The following SEMA6A variants were observed in gnomAD, a reference collection of about 807,000 sequenced individuals.
SEMA6A encodes the protein semaphorin 6A, also known as semaphorin-6A.
A neutral mutation model predicts 96.8 loss-of-function variants in SEMA6A; 25 were observed. That is an observed-to-expected ratio of 0.26 (90% confidence interval 0.19 to 0.36). The LOEUF (loss-of-function observed/expected upper bound fraction) is 0.36. Among genes scored for constraint, SEMA6A ranks in the 10% least tolerant of loss-of-function variants. The pLI, the probability that SEMA6A is intolerant of heterozygous loss-of-function variation, is 1.00. For missense variants in SEMA6A, 1,363 were observed against 1,323.1 expected (o/e 1.03, Z -0.47); for synonymous variants, 612 against 518.0 (o/e 1.18, Z -2.46).
At chr5:116,553,673 A>AG (rs1243810394) in intron 1 of SEMA6A, among the ~76,000 whole-genome samples, 1 of 152,140 alleles carries the variant, frequency 6.6e-6, no homozygotes, top group Non-Finnish European at 1.5e-5. Context: ...GGCATATTCT[A>AG]GCTCCTTTAG....
intron 1 of SEMA6A, among the ~76,000 whole-genome samples, chr5:116,542,186 A>G (rs989694614): frequency 2.6e-5 from 4 of 152,186 alleles, no homozygotes; most frequent in Non-Finnish European, 5.9e-5. Context: ...TATTTCTTAC[A>G]TCCTTTACAG....
chr5:116,486,692 C>T, intron 10 of SEMA6A, 57 bp downstream of exon 10: 1 of 1,441,006 alleles, frequency 6.9e-7, no homozygotes, highest in Non-Finnish European at 9.7e-7. Context: ...AGAGAACCCC[C>T]TGGGAGAAGG....
chr5:116,516,636 G>C (rs1758679675), intron 1 of SEMA6A, among the ~76,000 whole-genome samples: 1 of 152,164 alleles, frequency 6.6e-6, no homozygotes, highest in Non-Finnish European at 1.5e-5. Flanking sequence ...AATTGTGGTG[G>C]AGAGAAGACG....
intron 1 of SEMA6A, among the ~76,000 whole-genome samples, chr5:116,515,543 G>T (rs377617155): frequency 6.6e-6 from 1 of 152,176 alleles, no homozygotes; most frequent in Non-Finnish European, 1.5e-5. Context: ...TATCTGGAGA[G>T]TGACTTTAAA....
intron 12 of SEMA6A, among the ~76,000 whole-genome samples, chr5:116,479,842 A>C (rs1341774655): frequency 6.6e-6 from 1 of 152,144 alleles, no homozygotes; most frequent in East Asian, 1.9e-4. Flanking sequence ...CTATTTTTGC[A>C]CAGATTGGAT....
chr5:116,534,563 A>G (rs949830317), intron 1 of SEMA6A, among the ~76,000 whole-genome samples: 1 of 152,202 alleles, frequency 6.6e-6, no homozygotes, highest in Admixed American at 6.5e-5. Flanking sequence ...GTTACTGCCT[A>G]GGACAGAGCT....
intron 1 of SEMA6A, among the ~76,000 whole-genome samples, chr5:116,544,052 C>A (rs1218336113): frequency 6.6e-6 from 1 of 152,132 alleles, no homozygotes; most frequent in Non-Finnish European, 1.5e-5. Flanking sequence ...TTCTCTTTGG[C>A]CCCTAATGAA....
chr5:116,507,753 A>T (rs536252579), intron 1 of SEMA6A, among the ~76,000 whole-genome samples: 1 of 152,324 alleles, frequency 6.6e-6, no homozygotes, highest in South Asian at 2.1e-4. Flanking sequence ...TTCTAAATGA[A>T]AACATTTACT....
intron 1 of SEMA6A, among the ~76,000 whole-genome samples, chr5:116,518,977 T>A (rs1758798081): frequency 6.6e-6 from 1 of 151,878 alleles, no homozygotes. Flanking sequence ...TGGGTTAACA[T>A]AGTCTTTATC....
chr5:116,473,431 G>C (rs568498652), intron 16 of SEMA6A, among the ~76,000 whole-genome samples: 2 of 152,344 alleles, frequency 1.3e-5, no homozygotes, highest in African/African-American at 2.4e-5. Flanking sequence ...ATATGCATAA[G>C]TGATACCTGG....
intron 1 of SEMA6A, among the ~76,000 whole-genome samples, chr5:116,512,497 G>C (rs758371042): frequency 2.0e-5 from 3 of 152,008 alleles, no homozygotes; most frequent in African/African-American, 7.2e-5. Context: ...ATATCGACTG[G>C]GTGTAATAGA....
intron 6 of SEMA6A, among the ~76,000 whole-genome samples, chr5:116,495,020 T>A (rs1757518089): frequency 6.6e-6 from 1 of 152,210 alleles, no homozygotes; most frequent in Non-Finnish European, 1.5e-5. Flanking sequence ...ATGCCGTGCT[T>A]TTGAGATACC....
rs367927704 is a variant in SEMA6A, at chr5:116,446,735, C to T, written c.2971G>A (p.Ala991Thr). 1.6e-5 allele frequency: 25 copies of T among 1,603,162 alleles called. 1 individual carries two copies. In the South Asian group the frequency reaches 2.1e-4, roughly 14 times the overall value. ...VTVSRQPSLN[A>T]YNSLTRSGLK... ...CCCGACCTTGTCAGTGAGTTGTAGG[C>T]GTTGAGGCTGGGCTGCCTCGAGACA... Residue 991 changes from alanine to threonine, a missense_variant, in exon 19 of 19, where the codon GCC becomes ACC. Ala to Thr is a moderately conservative substitution (Grantham distance 58). This residue lies in a region of SEMA6A where 883 missense variants were observed against 763.6 expected (regional missense o/e 1.16). Coordinates refer to ENST00000343348, the MANE Select transcript of SEMA6A (RefSeq NM_020796.5).
chr5:116,466,283 CAGGGAGAATCTCTTCAACTTGGG>C (rs1252474468), intron 18 of SEMA6A, among the ~76,000 whole-genome samples: 1 of 150,192 alleles, frequency 6.7e-6, no homozygotes, highest in Admixed American at 6.7e-5. Context: ...GAAGCTGAGG[CAGGGAGAATCTCTTCAACTTGGG>C]AGGCGGAGGT....
chr5:116,561,717 G>A (rs1401160125), intron 1 of SEMA6A, among the ~76,000 whole-genome samples: 3 of 152,172 alleles, frequency 2.0e-5, no homozygotes, highest in Admixed American at 6.5e-5. Context: ...AGCAGCAAAG[G>A]CAATTACATT....
rs563372280 is a variant in SEMA6A at position 116,544,857 on chromosome 5, G to A, written c.-39+29328C>T. On this transcript the variant is annotated intron_variant, in intron 1 of 18. Transcript: ENST00000343348. ...AAGCTTCTCTTCAAAGAATCAATAT[G>A]TCAGTATGTTCAGCTGTCTTATTCT... Among the ~76,000 whole-genome samples, 17 of 152,324 alleles carry A rather than the reference G, an allele frequency of 1.1e-4. 1 individual carries two copies. In the Middle Eastern group the frequency reaches 0.014, roughly 122 times the overall value.
chr5:116,447,807 C>G lies in SEMA6A; in HGVS notation c.1899G>C (p.Val633=), dbSNP rs369263419. The part of the protein sequence containing the change: ...SSHNHQDKKG[V]IRESYLKGHD... ...GGCCTTTGAGGTAACTTTCCCGAAT[C>G]ACTCCTGCAATAGACATCGCATATG... The change falls in exon 19 of 19, where the codon GTG becomes GTC. Residue 633 remains valine, a synonymous_variant. Coordinates refer to ENST00000343348, the MANE Select transcript of SEMA6A (RefSeq NM_020796.5). 1.3e-6 allele frequency: 2 copies of G among 1,593,616 alleles called. No individual in the cohort carries two copies. The highest frequency in any genetic ancestry group is 1.7e-4 in the Middle Eastern group (1 of 5,968).
At chr5:116,500,727 G>A (rs1043769395) in intron 3 of SEMA6A, among the ~76,000 whole-genome samples, 10 of 152,080 alleles carry the variant, frequency 6.6e-5, no homozygotes, top group Non-Finnish European at 1.0e-4. Context: ...ATTCTAGACC[G>A]GGCATGGTGG....
At chr5:116,570,327 A>C (rs768231935) in intron 1 of SEMA6A, among the ~76,000 whole-genome samples, 20 of 148,372 alleles carry the variant, frequency 1.3e-4, no homozygotes, top group Non-Finnish European at 1.8e-4. Context: ...ACTTGGCTCC[A>C]AGGCACCCCA....
Sources: gnomAD v4.1 joint callset for allele counts (sites outside exome capture counted in the v4.1 genomes callset) on GRCh38, gnomAD v4.1.1 for gene constraint, gnomAD v4.1.1 regional missense constraint, MANE v1.5 for transcripts, NCBI Gene and HGNC (gene_info 2026-07-23, HGNC 2026-07-21) for gene names.